CACNA1E: variants seen among roughly 807,000 people sequenced by gnomAD.
CACNA1E encodes the protein calcium voltage-gated channel subunit alpha1 E, also known as voltage-dependent R-type calcium channel subunit alpha-1E.
In CACNA1E, 40 loss-of-function variants were observed where a neutral mutation model predicts 259.2. That is an observed-to-expected ratio of 0.15 (90% CI 0.12 to 0.20). CACNA1E has a LOEUF of 0.20. Among genes scored for constraint, CACNA1E ranks in the 10% least tolerant of loss-of-function variants. CACNA1E has a pLI of 1.00. For missense variants in CACNA1E, 1,874 were observed against 3,040.1 expected, an observed-to-expected ratio of 0.62 and a Z score of 9.02; for synonymous variants, 1,104 against 1,138.5, an observed-to-expected ratio of 0.97 and a Z score of 0.61.
intron 1 of CACNA1E, among the ~76,000 whole-genome samples, chr1:181,399,104 A>G (rs1656900518): frequency 6.6e-6 from 1 of 152,074 alleles, no homozygotes; most frequent in Non-Finnish European, 1.5e-5. Flanking sequence ...CAGTATTGTG[A>G]CCTTTCCGTC....
chr1:181,327,441 G>A (rs1650885709), intron 1 of CACNA1E, among the ~76,000 whole-genome samples: 1 of 152,120 alleles, frequency 6.6e-6, no homozygotes, highest in Admixed American at 6.5e-5. Context: ...AAGCTGAAGT[G>A]GAAGAATCCA....
rs547738169 is a variant in CACNA1E at position 181,345,883 on chromosome 1, G to A, written c.-15+27760G>A. The stretch of plus-strand genomic sequence containing the variant: ...TACTGTGGGAGGAGGGGAGAGAGTG[G>A]CCACAGGAAGGAGGGGCTGCAGGCA... On this transcript the variant is annotated intron_variant, in intron 1 of 11. Transcript: ENST00000524607. Among the ~76,000 whole-genome samples, 186 of 152,280 alleles carry A rather than the reference G, an allele frequency of 1.2e-3. 1 individual carries two copies. Among genetic ancestry groups the A allele is most frequent in the African/African-American group, 4.3e-3 (178 of 41,552 alleles).
intron 6 of CACNA1E, among the ~76,000 whole-genome samples, chr1:181,614,840 A>G (rs1478773192): frequency 7.2e-5 from 11 of 152,206 alleles, no homozygotes; most frequent in African/African-American, 2.4e-4. Context: ...TGATATTTCT[A>G]GGTTACACAG....
At chr1:181,754,369 C>A (rs944214616) in intron 27 of CACNA1E, among the ~76,000 whole-genome samples, 9 of 152,210 alleles carry the variant, frequency 5.9e-5, no homozygotes, top group Non-Finnish European at 1.3e-4. Context: ...GTGCTTCACC[C>A]AGTGCTGCAA....
At chr1:181,575,901 G>T (rs7511748) in intron 3 of CACNA1E, among the ~76,000 whole-genome samples, 87,744 of 151,768 alleles carry the variant, frequency 0.58, 25,622 homozygotes, top group East Asian at 0.7. Context: ...TCTTTATCTC[G>T]CTCTTTCTCT....
chr1:181,320,262 CTG>C (rs1650235344), intron 1 of CACNA1E, among the ~76,000 whole-genome samples: 3 of 152,186 alleles, frequency 2.0e-5, no homozygotes, highest in Admixed American at 1.3e-4. Flanking sequence ...GGATTTCAAA[CTG>C]AGAAACTCAT....
At chr1:181,400,994 G>A (rs1222308685) in intron 1 of CACNA1E, among the ~76,000 whole-genome samples, 1 of 152,136 alleles carries the variant, frequency 6.6e-6, no homozygotes, top group East Asian at 1.9e-4. Context: ...CAGAGCAAAA[G>A]GCAAAGGCCC....
chr1:181,506,174 G>C (rs974702292), intron 1 of CACNA1E, among the ~76,000 whole-genome samples: 1 of 152,206 alleles, frequency 6.6e-6, no homozygotes, highest in African/African-American at 2.4e-5. Context: ...GGTCTTTGAG[G>C]CCGTGGCGAC....
Position 181,728,546 on chromosome 1 carries a change from T to A in CACNA1E, c.2240+2384T>A, listed in dbSNP as rs574703082. ...GTACACTCTGCTCAGGTATGTACCC[T>A]GCACAGATGTGTGTGCCCTGCAAAG... is the stretch of plus-strand genomic sequence containing the variant. On this transcript the variant is annotated intron_variant, in intron 18 of 47. Coordinates refer to ENST00000367573, the MANE Select transcript of CACNA1E (RefSeq NM_001205293.3). 2.5e-3 allele frequency among the ~76,000 whole-genome samples: 382 copies of A among 151,552 alleles called. 4 individuals are homozygous for A. The highest frequency in any genetic ancestry group is 8.8e-3 in the African/African-American group (364 of 41,336).
At chr1:181,757,283 T>A (rs1307124958) in intron 30 of CACNA1E, among the ~76,000 whole-genome samples, 157 bp downstream of exon 30, 1 of 152,186 alleles carries the variant, frequency 6.6e-6, no homozygotes, top group Non-Finnish European at 1.5e-5. Context: ...ATAAGCATTT[T>A]CCAAGCACTG....
Position 181,658,854 on chromosome 1 carries a change from C to T in CACNA1E, c.1055+7413C>T, listed in dbSNP as rs530149309. Among the ~76,000 whole-genome samples the T allele has an allele frequency of 2.5e-3, 377 of 152,222 alleles. 2 individuals carry two copies. The highest frequency in any genetic ancestry group is 4.4e-3 in the Non-Finnish European group (302 of 68,014). The stretch of plus-strand genomic sequence containing the variant: ...TCTGACCTGGTTTCTTTTTCTCATT[C>T]TGAAGCTCAGCACAGTTTGGGGTGG... On this transcript the variant is annotated intron_variant, in intron 7 of 47. Coordinates refer to ENST00000367573, the MANE Select transcript of CACNA1E (RefSeq NM_001205293.3).
Position 181,732,620 on chromosome 1 carries a change from T to C in CACNA1E, c.2534T>C (p.Phe845Ser), listed in dbSNP as rs760837604. The C allele has an allele frequency of 7.4e-6, 11 of 1,487,496 alleles. No homozygotes were observed. The highest frequency in any genetic ancestry group is 8.9e-6 in the Non-Finnish European group (10 of 1,119,304). The allele number at this position is 1,487,496 out of a possible 1,614,324, so 92.1% of individuals were successfully genotyped here. The change falls in exon 20 of 48, where the codon TTC becomes TCC. Residue 845 changes from phenylalanine to serine, a missense_variant. Coordinates refer to ENST00000367573, the MANE Select transcript of CACNA1E (RefSeq NM_001205293.3). This position sits in a 1 kb window ranked among gnomAD's most constrained non-coding sequence, Gnocchi z 5.5. ...GCCCTGGGCCTGGCCCTGGAGAAGT[T>C]CGAGGAGGAGCGCATCAGCCGTGGG... is the stretch of plus-strand genomic sequence containing the variant. ...GLALGLALEK[F>S]EEERISRGGS...
intron 9 of CACNA1E, 49 bp downstream of exon 9, chr1:181,715,440 G>A (rs1187359157): frequency 7.7e-6 from 8 of 1,034,548 alleles, no homozygotes; most frequent in Non-Finnish European, 1.2e-5. Flanking sequence ...GCCCCTCTTA[G>A]GCGATGGCAA....
intron 1 of CACNA1E, among the ~76,000 whole-genome samples, chr1:181,362,135 C>T (rs1032195527): frequency 6.6e-6 from 1 of 152,142 alleles, no homozygotes; most frequent in Non-Finnish European, 1.5e-5. Flanking sequence ...GGACCTTTTT[C>T]CAGCAACTTC....
chr1:181,413,023 A>G (rs552298531), intron 1 of CACNA1E: 2 of 152,802 alleles, frequency 1.3e-5, no homozygotes, highest in East Asian at 3.9e-4. Context: ...CCTGGAAGGC[A>G]ATGCCATTAA....
At chr1:181,731,566 G>A (rs1383381426) in intron 19 of CACNA1E, among the ~76,000 whole-genome samples, 1 of 152,182 alleles carries the variant, frequency 6.6e-6, no homozygotes, top group Non-Finnish European at 1.5e-5. Flanking sequence ...GGATGCGTGT[G>A]GGTACATGCG....
chr1:181,690,732 G>C (rs1651065845), intron 7 of CACNA1E, among the ~76,000 whole-genome samples: 1 of 152,050 alleles, frequency 6.6e-6, no homozygotes, highest in Non-Finnish European at 1.5e-5. Flanking sequence ...TATTATTTTT[G>C]TAGTAATTGT....
At chr1:181,474,432 G>A (rs1163524759) in intron 2 of CACNA1E, among the ~76,000 whole-genome samples, 2 of 152,196 alleles carry the variant, frequency 1.3e-5, no homozygotes, top group African/African-American at 4.8e-5. Flanking sequence ...CTGCAAAAGA[G>A]CCTGTAATTC....
chr1:181,449,828 C>T (rs1344167882), intron 2 of CACNA1E, among the ~76,000 whole-genome samples: 3 of 152,138 alleles, frequency 2.0e-5, no homozygotes, highest in Non-Finnish European at 4.4e-5. Flanking sequence ...ACTTATTTCT[C>T]AATTAAAATG....
Sources: allele counts gnomAD v4.1 joint callset (sites outside exome capture counted in the v4.1 genomes callset), GRCh38; gene constraint gnomAD v4.1.1; non-coding constraint Gnocchi (gnomAD v3.1); transcripts MANE v1.5; gene names NCBI Gene and HGNC (gene_info 2026-07-23, HGNC 2026-07-21).